GYPB: variants seen among roughly 807,000 people sequenced by gnomAD.
GYPB encodes the protein glycophorin-B.
Under a neutral mutation model 15.3 loss-of-function variants are expected in GYPB, and 13 were observed. The ratio of observed to expected loss-of-function variants is 0.85; its 90% CI spans 0.55 to 1.35. GYPB has a LOEUF of 1.35. GYPB is among the 40% of genes most tolerant of loss of function. The probability of loss-of-function intolerance (pLI) is 0.00; values close to 1 mark genes in which losing one functional copy is unlikely to be tolerated. For missense variants in GYPB, 131 were observed against 108.3 expected (o/e 1.21, Z -0.93); for synonymous variants, 38 against 36.9 (o/e 1.03, Z -0.11).
chr4:143,999,477 C>T (rs751584330), intron 2 of GYPB, 28 bp from the exon 3 acceptor site: 17 of 1,312,428 alleles, frequency 1.3e-5, no homozygotes, highest in Non-Finnish European at 1.9e-5. Flanking sequence ...AATGTAAGTC[C>T]AAATAAGAAA....
chr4:144,001,734 A>G (rs1227389172), intron 1 of GYPB, among the ~76,000 whole-genome samples: 1 of 151,252 alleles, frequency 6.6e-6, no homozygotes, highest in African/African-American at 2.5e-5. Context: ...TTGAAGTTGC[A>G]TTTTGGAAAC....
intron 1 of GYPB, among the ~76,000 whole-genome samples, chr4:144,011,168 C>G (rs1728201300): frequency 8.1e-5 from 1 of 12,306 alleles, no homozygotes; most frequent in African/African-American, 8.7e-5. Context: ...ATTGCCTGAG[C>G]TCAGAGTTGG....
intron 4 of GYPB, 28 bp from the exon 5 acceptor site, chr4:143,996,332 C>T: frequency 6.5e-7 from 1 of 1,550,328 alleles, no homozygotes; most frequent in Non-Finnish European, 8.7e-7. Flanking sequence ...GAAGTTTCCA[C>T]TTCAGCCTCT....
downstream of GYPB, chr4:143,995,995 C>G (rs989979550): frequency 2.2e-6 from 1 of 452,036 alleles, no homozygotes. Flanking sequence ...TGCATGTTCT[C>G]CGCTGTTGGC....
intron 1 of GYPB, 77 bp from the exon 2 acceptor site, chr4:144,001,360 A>G: frequency 6.2e-7 from 1 of 1,610,248 alleles, no homozygotes; most frequent in Non-Finnish European, 8.5e-7. Context: ...ACAAAAGACA[A>G]ATTCCTCTCA....
At chr4:144,016,352 C>G in intron 1 of GYPB, among the ~76,000 whole-genome samples, 1 of 149,950 alleles carries the variant, frequency 6.7e-6, no homozygotes, top group South Asian at 2.1e-4. Flanking sequence ...CTTCCCTTCT[C>G]TCTTCTCCCT....
intron 3 of GYPB, among the ~76,000 whole-genome samples, chr4:143,997,918 T>C (rs1243857863): frequency 2.0e-5 from 3 of 151,232 alleles, no homozygotes; most frequent in Admixed American, 6.6e-5. Context: ...TCTTCACTAG[T>C]GTAACTGTAG....
intron 1 of GYPB, chr4:144,008,507 T>C (rs1341057260): frequency 2.2e-6 from 1 of 455,060 alleles, no homozygotes; most frequent in Non-Finnish European, 4.4e-6. Context: ...TAACAGTCTG[T>C]TAAGTTGAAT....
At position 143,999,104 on chromosome 4, in the gene GYPB, T is replaced by C. The variant is rs930244818; in HGVS notation, c.175+307A>G. Among the ~76,000 whole-genome samples the C allele has an allele frequency of 2.0e-5, 3 of 151,236 alleles. 1 individual carries two copies. The highest frequency in any genetic ancestry group is 7.4e-5 in the African/African-American group (3 of 40,552). On this transcript the variant is annotated intron_variant, in intron 3 of 4. Coordinates refer to ENST00000502664, the MANE Select transcript of GYPB (RefSeq NM_002100.6). ...TTGTATTTTTTGTAGAGATAGATTT[T>C]GCCATATTGCCCAGGCTGTTCTCAA...
At position 144,019,367 on chromosome 4, in the gene GYPB, G is replaced by C. The variant is rs1728664473; in HGVS notation, c.-80C>G. The stretch of plus-strand genomic sequence containing the variant: ...CTGCAAGTGTCAGTGTCTGGCCTTA[G>C]CCTACTAGCTGTTATCTTCCAGGCC... On this transcript the variant is annotated 5_prime_UTR_variant, in exon 1 of 5. Coordinates refer to ENST00000502664, the MANE Select transcript of GYPB (RefSeq NM_002100.6). 3.7e-6 allele frequency: 6 copies of C among 1,610,264 alleles called. No homozygotes were observed. Among genetic ancestry groups the C allele is most frequent in the Admixed American group, 1.7e-5 (1 of 59,708 alleles).
intron 1 of GYPB, among the ~76,000 whole-genome samples, chr4:144,014,777 A>T (rs1326068763): frequency 6.6e-6 from 1 of 151,548 alleles, no homozygotes; most frequent in Non-Finnish European, 1.5e-5. Context: ...TGGTAAATTT[A>T]TATTACGTGT....
At chr4:144,004,708 A>G (rs1316745848) in intron 1 of GYPB, among the ~76,000 whole-genome samples, 2 of 151,772 alleles carry the variant, frequency 1.3e-5, no homozygotes, top group East Asian at 3.8e-4. Context: ...CCACAATATG[A>G]TCCCTTAAAA....
chr4:144,016,998 T>C (rs1728536234), intron 1 of GYPB: 1 of 363,596 alleles, frequency 2.8e-6, no homozygotes, highest in Non-Finnish European at 5.3e-6. Context: ...TTATATGCTT[T>C]GTATTAGTTT....
At chr4:144,000,650 C>T (rs1389626530) in intron 2 of GYPB, among the ~76,000 whole-genome samples, 1 of 151,178 alleles carries the variant, frequency 6.6e-6, no homozygotes, top group African/African-American at 2.5e-5. Context: ...ATCTCAGCAC[C>T]CAGCTTTGCT....
At chr4:143,997,434 T>A in intron 4 of GYPB, 106 bp downstream of exon 4, 1 of 690,002 alleles carries the variant, frequency 1.4e-6, no homozygotes, top group Non-Finnish European at 2.6e-6. Flanking sequence ...GATGGAATTT[T>A]ATGCAGTTCT....
intron 1 of GYPB, among the ~76,000 whole-genome samples, chr4:144,017,361 A>G (rs1272126300): frequency 1.3e-5 from 2 of 150,188 alleles, no homozygotes; most frequent in East Asian, 3.8e-4. Flanking sequence ...AAAAAGAAAA[A>G]AAAAGAAAAA....
At position 144,019,349 on chromosome 4, in the gene GYPB, T is replaced by C; in HGVS notation, c.-62A>G. 6.2e-7 allele frequency: 1 copy of C among 1,611,408 alleles called. No homozygotes were observed. Among genetic ancestry groups the C allele is most frequent in the Non-Finnish European group, 8.5e-7 (1 of 1,179,182 alleles). On this transcript the variant is annotated 5_prime_UTR_variant, in exon 1 of 5. Transcript: ENST00000502664. ...AAAAACTACCAAAGACAACTGCAAG[T>C]GTCAGTGTCTGGCCTTAGCCTACTA... is the stretch of plus-strand genomic sequence containing the variant.
chr4:144,005,623 C>T (rs1727874062), intron 1 of GYPB, among the ~76,000 whole-genome samples: 1 of 151,636 alleles, frequency 6.6e-6, no homozygotes, highest in South Asian at 2.1e-4. Flanking sequence ...TTCACATCTT[C>T]TGGCAGGAAC....
In GYPB at chr4:144,013,663, G is replaced by T. The variant is rs367665063; in HGVS notation, c.37+5588C>A. Among the ~76,000 whole-genome samples, 3 of 147,334 alleles carry T rather than the reference G, an allele frequency of 2.0e-5. No homozygotes were observed. The South Asian group carries it at 6.3e-4, about 31-fold the overall frequency. On this transcript the variant is annotated intron_variant, in intron 1 of 4. Transcript: ENST00000502664. ...AAATCATCATTCTCAGTAAACTATC[G>T]CAAGAACAAAAAACCAGACACCGCA...
Sources: gnomAD v4.1 joint callset for allele counts (sites outside exome capture counted in the v4.1 genomes callset) on GRCh38, gnomAD v4.1.1 for gene constraint, MANE v1.5 for transcripts, NCBI Gene and HGNC (gene_info 2026-07-23, HGNC 2026-07-21) for gene names.